The following ESRP1 variants were observed in gnomAD, a reference collection of about 807,000 sequenced individuals.
The protein encoded by ESRP1 is RNA-binding motif protein 35A.
A neutral mutation model predicts 81.7 loss-of-function variants in ESRP1; 33 were observed. The ratio of observed to expected loss-of-function variants is 0.40; its 90% confidence interval spans 0.31 to 0.54. ESRP1 has a LOEUF of 0.54. Among genes scored for constraint, ESRP1 ranks in the 20% least tolerant of loss-of-function variants. The probability of loss-of-function intolerance (pLI) is 0.41; values close to 1 mark genes in which losing one functional copy is unlikely to be tolerated. For synonymous variants in ESRP1, 320 were observed against 303.3 expected, an observed-to-expected ratio of 1.06 and a Z score of -0.57; for missense variants, 672 against 833.1, an observed-to-expected ratio of 0.81 and a Z score of 2.38.
chr8:94,667,447 A>AAT (rs879622152), intron 9 of ESRP1, among the ~76,000 whole-genome samples: 4 of 151,148 alleles, frequency 2.6e-5, no homozygotes, highest in Non-Finnish European at 5.9e-5. Flanking sequence ...AAAAAAAAAA[A>AAT]GGTAATTGAG....
chr8:94,641,315 C>T lies in ESRP1; in HGVS notation c.-4C>T, dbSNP rs1817575290. 5 of 1,569,832 alleles carry T rather than the reference C, an allele frequency of 3.2e-6. No individual in the cohort carries two copies. The highest frequency in any genetic ancestry group is 4.4e-6 in the Non-Finnish European group (5 of 1,144,096). On this transcript the variant is annotated 5_prime_UTR_variant, in exon 1 of 16. Coordinates refer to ENST00000433389, the MANE Select transcript of ESRP1 (RefSeq NM_017697.4). ...CCCCCCTCTCCCCCTCCCCACCTAT[C>T]GTCATGACGGCCTCTCCGGATTACT... is the stretch of plus-strand genomic sequence containing the variant.
intron 15 of ESRP1, among the ~76,000 whole-genome samples, chr8:94,702,460 G>A (rs182693447): frequency 6.6e-6 from 1 of 152,090 alleles, no homozygotes; most frequent in Non-Finnish European, 1.5e-5. Flanking sequence ...TATAAAAACT[G>A]TATTTGATCA....
At chr8:94,682,357 A>T (rs149095730) in intron 13 of ESRP1, among the ~76,000 whole-genome samples, 1 of 152,120 alleles carries the variant, frequency 6.6e-6, no homozygotes, top group Admixed American at 6.5e-5. Context: ...AATTACAAGT[A>T]ACATCAACTT....
At chr8:94,653,648 A>G (rs1818260806) in intron 4 of ESRP1, among the ~76,000 whole-genome samples, 1 of 152,226 alleles carries the variant, frequency 6.6e-6, no homozygotes, top group African/African-American at 2.4e-5. Context: ...TCAAAGCATC[A>G]GCTACATGTT....
chr8:94,674,884 C>T (rs1458794154), intron 12 of ESRP1, among the ~76,000 whole-genome samples: 3 of 152,184 alleles, frequency 2.0e-5, no homozygotes, highest in Non-Finnish European at 2.9e-5. Flanking sequence ...TTTTTTAAAA[C>T]GTATTAACCT....
intron 14 of ESRP1, among the ~76,000 whole-genome samples, chr8:94,696,197 C>T (rs750995650): frequency 3.9e-5 from 6 of 152,168 alleles, no homozygotes; most frequent in Non-Finnish European, 8.8e-5. Flanking sequence ...GGTCCATAAA[C>T]GTGTGTATAT....
chr8:94,669,392 C>T (rs993758996), intron 10 of ESRP1, among the ~76,000 whole-genome samples: 1 of 152,186 alleles, frequency 6.6e-6, no homozygotes, highest in African/African-American at 2.4e-5. Flanking sequence ...TGTGTAGCTT[C>T]TGCATCCCAT....
chr8:94,706,237 G>T lies in ESRP1; in HGVS notation c.*348G>T. The T allele has an allele frequency of 2.9e-6, 1 of 346,620 alleles. No homozygotes were observed. Among genetic ancestry groups the T allele is most frequent in the Non-Finnish European group, 5.2e-6 (1 of 191,210 alleles). 21.5% of individuals were successfully genotyped at this position (346,620 alleles called of 1,614,324 possible). A position where few individuals can be genotyped will look rare whatever the true frequency, so the allele number is the denominator to read the frequency against. ...ATCATAGGTGTTTCCTAAGTTTTAA[G>T]TCTTGGATAAAAACTCCACCAGTGT... On this transcript the variant is annotated 3_prime_UTR_variant, in exon 16 of 16. Transcript: ENST00000433389.
At chr8:94,651,720 G>A (rs547790130) in intron 4 of ESRP1, among the ~76,000 whole-genome samples, 2 of 151,918 alleles carry the variant, frequency 1.3e-5, no homozygotes, top group South Asian at 2.1e-4. Context: ...AGAATCAAGC[G>A]ATTTTCCTGC....
At chr8:94,678,401 G>T (rs1269539390) in intron 13 of ESRP1, 30 bp downstream of exon 13, 2 of 1,599,718 alleles carry the variant, frequency 1.3e-6, no homozygotes, top group African/African-American at 1.3e-5. Flanking sequence ...GGAAATGAGG[G>T]GCAGAAACAA....
chr8:94,669,278 T>C (rs1819185276), intron 10 of ESRP1, among the ~76,000 whole-genome samples: 1 of 152,212 alleles, frequency 6.6e-6, no homozygotes, highest in Non-Finnish European at 1.5e-5. Context: ...CAACTTGCTC[T>C]ATTTGTGTCC....
At chr8:94,682,873 TATATATTCATTATTCA>T (rs1196570749) in intron 13 of ESRP1, among the ~76,000 whole-genome samples, 12 of 140,276 alleles carry the variant, frequency 8.6e-5, no homozygotes, top group African/African-American at 3.2e-4. Flanking sequence ...TATATACATA[TATATATTCATTATTCA>T]ATATATTCAT....
chr8:94,705,903 CT>C (rs55760931), intron 15 of ESRP1, 21 bp from the exon 16 acceptor site: 31,375 of 1,351,012 alleles, frequency 0.023, 11 homozygotes, highest in East Asian at 0.039. Context: ...CTTTTATTCA[CT>C]TTTTTTTTTT....
intron 15 of ESRP1, among the ~76,000 whole-genome samples, chr8:94,704,464 C>A (rs975113696): frequency 5.9e-5 from 9 of 151,790 alleles, no homozygotes; most frequent in Admixed American, 3.3e-4. Context: ...ATATATATAT[C>A]TCTTTTATTT....
intron 13 of ESRP1, among the ~76,000 whole-genome samples, chr8:94,681,482 C>A (rs1337150185): frequency 6.7e-6 from 1 of 148,702 alleles, no homozygotes; most frequent in African/African-American, 2.5e-5. Context: ...CTAAAAAATA[C>A]AAAAAGTAGC....
chr8:94,665,229 A>G, intron 9 of ESRP1, 33 bp downstream of exon 9: 1 of 1,599,812 alleles, frequency 6.3e-7, no homozygotes, highest in Non-Finnish European at 8.5e-7. Context: ...GGCTTTAGTT[A>G]ATAAGAATCT....
intron 14 of ESRP1, 53 bp from the exon 15 acceptor site, chr8:94,696,799 A>G: frequency 7.5e-7 from 1 of 1,341,492 alleles, no homozygotes; most frequent in Non-Finnish European, 1.0e-6. Context: ...AATATTATCC[A>G]TAGTGACAGT....
intron 13 of ESRP1, among the ~76,000 whole-genome samples, chr8:94,686,047 A>C (rs1173548467): frequency 6.6e-6 from 1 of 152,144 alleles, no homozygotes; most frequent in Admixed American, 6.5e-5. Context: ...CCCTGGGTTC[A>C]AGCGATTCTC....
At chr8:94,696,792 A>G in intron 14 of ESRP1, 60 bp from the exon 15 acceptor site, 1 of 1,304,542 alleles carries the variant, frequency 7.7e-7, no homozygotes, top group Non-Finnish European at 1.1e-6. Context: ...TAGCTGAAAT[A>G]TTATCCATAG....
Sources: allele counts gnomAD v4.1 joint callset (sites outside exome capture counted in the v4.1 genomes callset), GRCh38; gene constraint gnomAD v4.1.1; transcripts MANE v1.5; gene names NCBI Gene and HGNC (gene_info 2026-07-23, HGNC 2026-07-21).